The following PRICKLE2 variants were observed in gnomAD, a reference collection of about 807,000 sequenced individuals.
The protein encoded by PRICKLE2 is prickle-like protein 2.
A neutral mutation model predicts 81.4 loss-of-function variants in PRICKLE2; 21 were observed. The observed-to-expected ratio is 0.26, with a 90% CI of 0.18 to 0.37. The LOEUF (loss-of-function observed/expected upper bound fraction) is 0.37. Among genes scored for constraint, PRICKLE2 ranks in the 10% least tolerant of loss-of-function variants. The pLI is 1.00. For missense variants in PRICKLE2, 940 were observed against 1,109.0 expected (o/e 0.85, Z 2.16); for synonymous variants, 456 against 421.5 (o/e 1.08, Z -1.00).
chr3:64,102,358 C>A (rs2076680358), intron 7 of PRICKLE2: 1 of 152,354 alleles, frequency 6.6e-6, no homozygotes, highest in African/African-American at 2.4e-5. Context: ...ATTGCTCCAA[C>A]TACTGCCTGA....
rs139591027 is a variant in PRICKLE2, at chr3:64,250,869, T to C, written c.129-51902A>G. ...GTGCTGGTCCCTCTGCCAGAGATAC[T>C]CCCCCAATAACCAGCACACCTCACT... On this transcript the variant is annotated intron_variant, in intron 2 of 8. Transcript: ENST00000295902. 9.5e-4 allele frequency among the ~76,000 whole-genome samples: 144 copies of C among 152,196 alleles called. 1 individual carries two copies. Among genetic ancestry groups the C allele is most frequent in the Non-Finnish European group, 1.7e-3 (114 of 68,000 alleles).
intron 7 of PRICKLE2, among the ~76,000 whole-genome samples, chr3:64,125,829 A>C (rs1450029185): frequency 2.0e-5 from 3 of 152,226 alleles, no homozygotes; most frequent in African/African-American, 7.2e-5. Context: ...GTATGTGTGT[A>C]TTCCAAAATC....
At chr3:64,101,673 T>G (rs1180934667) in intron 7 of PRICKLE2, 2 of 152,214 alleles carry the variant, frequency 1.3e-5, no homozygotes, top group Non-Finnish European at 2.9e-5. Flanking sequence ...GAGGGCTCTA[T>G]GTATAGTGGA....
chr3:64,181,317 A>G (rs1414926059), intron 2 of PRICKLE2, among the ~76,000 whole-genome samples: 1 of 152,126 alleles, frequency 6.6e-6, no homozygotes, highest in Non-Finnish European at 1.5e-5. Context: ...AATGAGGCTC[A>G]GACCCAAAAA....
intron 7 of PRICKLE2, among the ~76,000 whole-genome samples, chr3:64,115,286 C>T (rs2076916897): frequency 6.6e-6 from 1 of 152,184 alleles, no homozygotes; most frequent in Non-Finnish European, 1.5e-5. Flanking sequence ...AAAGAAACTA[C>T]ATAAACAAGT....
intron 4 of PRICKLE2, among the ~76,000 whole-genome samples, chr3:64,158,691 T>A (rs1159180469): frequency 6.6e-6 from 1 of 152,176 alleles, no homozygotes; most frequent in Non-Finnish European, 1.5e-5. Flanking sequence ...CTTGCCTGGA[T>A]GGAGCACAGT....
Position 64,221,301 on chromosome 3 carries a change from T to C in PRICKLE2, c.-41+3609A>G, listed in dbSNP as rs186180432. 1.1e-4 allele frequency among the ~76,000 whole-genome samples: 17 copies of C among 152,098 alleles called. No individual in the cohort carries two copies. In the East Asian group the frequency reaches 3.3e-3, roughly 30 times the overall value. ...GGAAATAACACAACAAGCAAGCCTA[T>C]GGTTTTCAGATGCCAAATAATAAAC... is the stretch of plus-strand genomic sequence containing the variant. On this transcript the variant is annotated intron_variant, in intron 1 of 7. Coordinates refer to ENST00000638394, the MANE Select transcript of PRICKLE2 (RefSeq NM_198859.4).
rs1038533822 is a variant in PRICKLE2, at chr3:64,093,629, C to A, written c.*5422G>T. 6.6e-6 allele frequency: 1 copy of A among 152,086 alleles called. No homozygotes were observed. Among genetic ancestry groups the A allele is most frequent in the African/African-American group, 2.4e-5 (1 of 41,418 alleles). The allele number at this position is 152,086 out of a possible 1,614,324, so 9.4% of individuals were successfully genotyped here. A position where few individuals can be genotyped will look rare whatever the true frequency, so the allele number is the denominator to read the frequency against. ...CTGGCATCTAGTGAGTAGAAGTCAG[C>A]GATGTTGCTAAACATCCTACAATGC... On this transcript the variant is annotated 3_prime_UTR_variant, in exon 8 of 8. Coordinates refer to ENST00000638394, the MANE Select transcript of PRICKLE2 (RefSeq NM_198859.4).
At chr3:64,176,471 G>A (rs894215170) in intron 2 of PRICKLE2, among the ~76,000 whole-genome samples, 2 of 137,094 alleles carry the variant, frequency 1.5e-5, no homozygotes, top group Non-Finnish European at 3.3e-5. Flanking sequence ...TGCAAAGCCA[G>A]TTTGAATAAA....
Position 64,159,937 on chromosome 3 carries a change from T to A in PRICKLE2, c.396+3A>T. The A allele has an allele frequency of 6.2e-7, 1 of 1,614,080 alleles. No homozygotes were observed. The highest frequency in any genetic ancestry group is 8.5e-7 in the Non-Finnish European group (1 of 1,179,992). On this transcript the variant is annotated splice_donor_region_variant and intron_variant, in intron 4 of 7. Transcript: ENST00000638394. ...CTCTTCACTCCCCTGAATCCATGCT[T>A]ACCTGTTCACAAATAGCTCCTGTCA...
At chr3:64,247,322 G>GT (rs969993260) in intron 2 of PRICKLE2, among the ~76,000 whole-genome samples, 51 of 151,612 alleles carry the variant, frequency 3.4e-4, no homozygotes, top group East Asian at 2.1e-3. Flanking sequence ...ATATCAGTGA[G>GT]TTTTTTTTTA....
intron 1 of PRICKLE2, among the ~76,000 whole-genome samples, chr3:64,217,851 A>G (rs2078896475): frequency 6.6e-6 from 1 of 152,232 alleles, no homozygotes; most frequent in Non-Finnish European, 1.5e-5. Context: ...GACATTTATA[A>G]GAGTAAAGTC....
chr3:64,141,410 A>G (rs1332667927), intron 7 of PRICKLE2, among the ~76,000 whole-genome samples: 1 of 152,238 alleles, frequency 6.6e-6, no homozygotes, highest in East Asian at 1.9e-4. Context: ...AGTTTAGTTT[A>G]TGGAAAGTAC....
At chr3:64,259,522 C>T (rs1157272814) in intron 2 of PRICKLE2, among the ~76,000 whole-genome samples, 2 of 152,144 alleles carry the variant, frequency 1.3e-5, no homozygotes, top group Non-Finnish European at 2.9e-5. Flanking sequence ...TGGTAGGTTG[C>T]AAAATGGCCT....
chr3:64,188,561 C>T (rs2107094766), intron 2 of PRICKLE2, among the ~76,000 whole-genome samples: 1 of 152,286 alleles, frequency 6.6e-6, no homozygotes, highest in East Asian at 1.9e-4. Flanking sequence ...GTTTTGAAAA[C>T]CACGGGACGA....
At chr3:64,131,481 G>A (rs1338361572) in intron 7 of PRICKLE2, among the ~76,000 whole-genome samples, 2 of 152,200 alleles carry the variant, frequency 1.3e-5, no homozygotes, top group African/African-American at 4.8e-5. Context: ...AGAAAAATAA[G>A]GGGATTTGTG....
At chr3:64,161,401 G>A (rs374802158) in intron 3 of PRICKLE2, among the ~76,000 whole-genome samples, 1 of 152,218 alleles carries the variant, frequency 6.6e-6, no homozygotes, top group African/African-American at 2.4e-5. Context: ...ATGGTTAGAG[G>A]GAAACCTTGG....
intron 7 of PRICKLE2, among the ~76,000 whole-genome samples, chr3:64,105,133 C>G (rs1377045561): frequency 6.6e-6 from 1 of 152,170 alleles, no homozygotes; most frequent in East Asian, 1.9e-4. Flanking sequence ...CCTTGGAAAA[C>G]TCTTCCCTTT....
intron 1 of PRICKLE2, among the ~76,000 whole-genome samples, chr3:64,201,631 C>T (rs2078582329): frequency 6.6e-6 from 1 of 152,054 alleles, no homozygotes; most frequent in African/African-American, 2.4e-5. Context: ...CACATATTTT[C>T]TGGATACAAG....
Sources: gnomAD v4.1 joint callset for allele counts (sites outside exome capture counted in the v4.1 genomes callset) on GRCh38, gnomAD v4.1.1 for gene constraint, MANE v1.5 for transcripts, NCBI Gene and HGNC (gene_info 2026-07-23, HGNC 2026-07-21) for gene names.